ATXN7: variants seen among roughly 807,000 people sequenced by gnomAD.
ATXN7 encodes the protein ataxin-7.
In ATXN7, 12 loss-of-function variants were observed where a neutral mutation model predicts 70.5. The observed-to-expected ratio is 0.17, with a 90% CI of 0.11 to 0.28. The LOEUF (loss-of-function observed/expected upper bound fraction) is 0.28. Among genes scored for constraint, ATXN7 ranks in the 10% least tolerant of loss-of-function variants. The pLI is 1.00. For synonymous variants in ATXN7, 498 were observed against 448.7 expected (o/e 1.11, Z -1.39); for missense variants, 1,256 against 1,131.7 (o/e 1.11, Z -1.58).
chr3:63,886,729 A>G (rs1422877679), intron 1 of ATXN7, among the ~76,000 whole-genome samples: 4 of 152,260 alleles, frequency 2.6e-5, no homozygotes, highest in Non-Finnish European at 5.9e-5. Flanking sequence ...ACAATAGTCT[A>G]TAGTTCAAGT....
At chr3:63,898,108 CATT>C (rs1027692270) in intron 1 of ATXN7, among the ~76,000 whole-genome samples, 1 of 152,030 alleles carries the variant, frequency 6.6e-6, no homozygotes, top group African/African-American at 2.4e-5. Context: ...AGTGGAAACT[CATT>C]AGTGCAAATT....
chr3:63,997,086 C>T (rs1202623420), intron 12 of ATXN7, among the ~76,000 whole-genome samples: 3 of 152,218 alleles, frequency 2.0e-5, no homozygotes, highest in African/African-American at 4.8e-5. Context: ...GTAAAACCCC[C>T]GTCTCTACTA....
In ATXN7 at chr3:63,951,929, C is replaced by T. The variant is rs141172845; in HGVS notation, c.395-450C>T. ...TTTCTTTATATGACATGCTGGCAAA[C>T]CAGCAGTTCTATTCCTCTGTCTCTG... On this transcript the variant is annotated intron_variant, in intron 4 of 12. Coordinates refer to ENST00000674280, the MANE Select transcript of ATXN7 (RefSeq NM_001377405.1). Among the ~76,000 whole-genome samples, 107 of 152,238 alleles carry T rather than the reference C, an allele frequency of 7.0e-4. 2 individuals carry two copies. Among genetic ancestry groups the T allele is most frequent in the African/African-American group, 2.5e-3 (104 of 41,538 alleles).
At chr3:63,965,573 A>C (rs770309051) in intron 5 of ATXN7, among the ~76,000 whole-genome samples, 2 of 152,188 alleles carry the variant, frequency 1.3e-5, no homozygotes, top group Non-Finnish European at 2.9e-5. Context: ...ATGTTATTTT[A>C]GTCTGTAGTA....
upstream of ATXN7, chr3:63,863,667 C>G (rs1271239372): frequency 5.7e-6 from 7 of 1,228,596 alleles, no homozygotes; most frequent in Non-Finnish European, 7.1e-6. Context: ...GCGAAGAGGC[C>G]GGGGAGGCCG....
intron 1 of ATXN7, among the ~76,000 whole-genome samples, chr3:63,884,241 ATACTCT>A (rs1228607665): frequency 3.3e-5 from 3 of 91,964 alleles, no homozygotes; most frequent in African/African-American, 7.7e-5. Flanking sequence ...ACACACACAC[ATACTCT>A]CACACACACA....
chr3:63,883,837 C>T (rs1297512375), intron 1 of ATXN7, among the ~76,000 whole-genome samples: 1 of 151,944 alleles, frequency 6.6e-6, no homozygotes, highest in African/African-American at 2.4e-5. Flanking sequence ...CTTCTTGTTT[C>T]CCCCAACAAC....
At chr3:63,952,835 CTTTTTTTTT>C (rs59256288) in intron 5 of ATXN7, among the ~76,000 whole-genome samples, 78 of 49,152 alleles carry the variant, frequency 1.6e-3, no homozygotes, top group African/African-American at 4.9e-3. Flanking sequence ...ATGCATGGGC[CTTTTTTTTT>C]TTTTTTTTTT....
intron 7 of ATXN7, 103 bp downstream of exon 7, chr3:63,982,548 G>A: frequency 1.9e-6 from 2 of 1,056,968 alleles, no homozygotes; most frequent in Non-Finnish European, 2.7e-6. Context: ...TTTAAAACTG[G>A]TCAACTTCAG....
At chr3:63,869,236 T>A (rs1005811489) in intron 1 of ATXN7, among the ~76,000 whole-genome samples, 1 of 152,222 alleles carries the variant, frequency 6.6e-6, no homozygotes, top group African/African-American at 2.4e-5. Context: ...CTGAGCTCTC[T>A]GGTTGTGTTC....
chr3:63,991,654 T>A (rs963669469), intron 11 of ATXN7, among the ~76,000 whole-genome samples: 20 of 152,062 alleles, frequency 1.3e-4, no homozygotes, highest in Non-Finnish European at 2.9e-4. Context: ...AGGGGCCAGG[T>A]GACACTGAAA....
chr3:63,946,570 G>A (rs910761379), intron 4 of ATXN7, among the ~76,000 whole-genome samples: 7 of 151,764 alleles, frequency 4.6e-5, no homozygotes, highest in Non-Finnish European at 8.8e-5. Flanking sequence ...GTGAACCCGG[G>A]AGGCGGAGCT....
chr3:63,944,556 G>A (rs1250123726), intron 4 of ATXN7, among the ~76,000 whole-genome samples: 3 of 152,084 alleles, frequency 2.0e-5, no homozygotes, highest in South Asian at 4.1e-4. Flanking sequence ...CCTGCTGTTC[G>A]GAATGGCTTG....
intron 11 of ATXN7, among the ~76,000 whole-genome samples, chr3:63,991,974 A>C (rs2075679079): frequency 6.6e-6 from 1 of 152,174 alleles, no homozygotes; most frequent in Admixed American, 6.5e-5. Flanking sequence ...TTTTAGGGGA[A>C]CATCTTGGAG....
intron 4 of ATXN7, among the ~76,000 whole-genome samples, chr3:63,933,669 CT>C (rs2074600345): frequency 6.6e-6 from 1 of 152,170 alleles, no homozygotes; most frequent in Non-Finnish European, 1.5e-5. Flanking sequence ...GTTTCAGCTA[CT>C]TTTCTTTTGC....
At chr3:63,909,503 C>A (rs1296956841) in intron 2 of ATXN7, among the ~76,000 whole-genome samples, 1 of 152,152 alleles carries the variant, frequency 6.6e-6, no homozygotes, top group Non-Finnish European at 1.5e-5. Context: ...TCATCAAGTT[C>A]TTTACTGTGG....
At chr3:63,932,957 C>T (rs1024629086) in intron 4 of ATXN7, among the ~76,000 whole-genome samples, 1 of 152,174 alleles carries the variant, frequency 6.6e-6, no homozygotes, top group Non-Finnish European at 1.5e-5. Context: ...TTAAACTTGA[C>T]CTTTATGGAT....
At chr3:63,953,404 G>T (rs1295999616) in intron 5 of ATXN7, among the ~76,000 whole-genome samples, 1 of 152,082 alleles carries the variant, frequency 6.6e-6, no homozygotes, top group Non-Finnish European at 1.5e-5. Flanking sequence ...GAGAAGGGAG[G>T]TAGAAACTGG....
intron 4 of ATXN7, among the ~76,000 whole-genome samples, chr3:63,940,164 A>G (rs547431501): frequency 6.6e-5 from 10 of 152,228 alleles, no homozygotes; most frequent in African/African-American, 2.4e-4. Flanking sequence ...GCGCATGCCC[A>G]GAAAGGACCT....
Sources: allele counts gnomAD v4.1 joint callset (sites outside exome capture counted in the v4.1 genomes callset), GRCh38; gene constraint gnomAD v4.1.1; transcripts MANE v1.5; gene names NCBI Gene and HGNC (gene_info 2026-07-23, HGNC 2026-07-21).